SRGAP2: variants seen among roughly 807,000 people sequenced by gnomAD.
SRGAP2 encodes SLIT-ROBO Rho GTPase-activating protein 2.
In SRGAP2, 15 loss-of-function variants were observed where a neutral mutation model predicts 57.2. That is an observed-to-expected ratio of 0.26 (90% CI 0.18 to 0.40). The LOEUF (loss-of-function observed/expected upper bound fraction) is 0.40, where lower values mean the gene tolerates loss of function less well. SRGAP2 is among the 10% of genes least tolerant of loss of function. SRGAP2 has a pLI of 1.00. For synonymous variants in SRGAP2, 249 were observed against 248.0 expected (o/e 1.00, Z -0.04); for missense variants, 520 against 669.6 (o/e 0.78, Z 2.47).
At chr1:206,445,762 C>G (rs1227631273) in intron 17 of SRGAP2, among the ~76,000 whole-genome samples, 1 of 152,062 alleles carries the variant, frequency 6.6e-6, no homozygotes, top group Non-Finnish European at 1.5e-5. Context: ...GTCATGTGGC[C>G]TTTGATAGAT....
chr1:206,275,731 C>T (rs1160198296), intron 2 of SRGAP2, among the ~76,000 whole-genome samples: 17 of 151,172 alleles, frequency 1.1e-4, no homozygotes, highest in African/African-American at 3.9e-4. Context: ...ATTCTCCTGC[C>T]TCAGCCTCCC....
At chr1:206,312,662 A>G (rs1553324596) in intron 3 of SRGAP2, among the ~76,000 whole-genome samples, 2 of 151,954 alleles carry the variant, frequency 1.3e-5, no homozygotes, top group Non-Finnish European at 2.9e-5. Flanking sequence ...ATTTGACCCT[A>G]TGTTATTCTG....
At chr1:206,399,558 G>T (rs1439897804) in intron 7 of SRGAP2, among the ~76,000 whole-genome samples, 2 of 151,948 alleles carry the variant, frequency 1.3e-5, no homozygotes, top group Non-Finnish European at 2.9e-5. Flanking sequence ...TATGAATAGG[G>T]GTAGAGGTAG....
chr1:206,260,339 A>C lies in SRGAP2; in HGVS notation c.68-42942A>C, dbSNP rs559166762. Reference sequence around the variant, plus strand: ...CCAAAGTGGACGAAATGGAGCCTTGAACCAAATAAATAGGTAGTAAAGGTA... The same window carrying C: ...CCAAAGTGGACGAAATGGAGCCTTGCACCAAATAAATAGGTAGTAAAGGTA... On this transcript the variant is annotated intron_variant, in intron 2 of 22. Coordinates refer to ENST00000573034, the MANE Select transcript of SRGAP2 (RefSeq NM_015326.5). 6.0e-5 allele frequency among the ~76,000 whole-genome samples: 9 copies of C among 149,566 alleles called. No individual in the cohort carries two copies. The East Asian group carries it at 1.6e-3, about 26-fold the overall frequency.
intron 4 of SRGAP2, among the ~76,000 whole-genome samples, chr1:206,354,180 C>T (rs1228203333): frequency 6.6e-6 from 1 of 152,040 alleles, no homozygotes; most frequent in Non-Finnish European, 1.5e-5. Context: ...TACATGCCTA[C>T]TAATCTTTTA....
chr1:206,278,222 A>G (rs1393938331), intron 2 of SRGAP2, among the ~76,000 whole-genome samples: 2 of 151,110 alleles, frequency 1.3e-5, no homozygotes, highest in Non-Finnish European at 3.0e-5. Flanking sequence ...GACAAACAAT[A>G]AACATGATGA....
At chr1:206,353,330 CTTTAG>C (rs1553338618) in intron 4 of SRGAP2, among the ~76,000 whole-genome samples, 3 of 152,014 alleles carry the variant, frequency 2.0e-5, no homozygotes, top group Non-Finnish European at 4.4e-5. Context: ...TTTCTGTATG[CTTTAG>C]TTTAGATGAT....
chr1:206,331,773 CTG>C (rs1674375897), intron 3 of SRGAP2, among the ~76,000 whole-genome samples: 1 of 111,454 alleles, frequency 9.0e-6, no homozygotes, highest in Non-Finnish European at 1.7e-5. Context: ...ACTTGCCAGT[CTG>C]TGTCTTTTAA....
intron 19 of SRGAP2, among the ~76,000 whole-genome samples, chr1:206,451,813 C>A (rs1271201619): frequency 6.6e-6 from 1 of 152,140 alleles, no homozygotes; most frequent in Non-Finnish European, 1.5e-5. Flanking sequence ...GAGTAACGTA[C>A]CCGAGGCTGT....
At chr1:206,413,522 A>AAATGATTT (rs1659398207) in intron 10 of SRGAP2, among the ~76,000 whole-genome samples, 1 of 152,252 alleles carries the variant, frequency 6.6e-6, no homozygotes, top group Non-Finnish European at 1.5e-5. Flanking sequence ...ATCATGAATA[A>AAATGATTT]GGCAGTAGAA....
intron 7 of SRGAP2, 142 bp from the exon 8 acceptor site, chr1:206,401,279 T>C (rs1553355351): frequency 2.8e-6 from 2 of 712,688 alleles, no homozygotes; most frequent in South Asian, 1.5e-5. Context: ...CACCCAGACC[T>C]TGGAAGTCGG....
rs782546209 is a variant in SRGAP2, at chr1:206,450,455, G to A, written c.2169G>A (p.Thr723=). 1.7e-5 allele frequency: 13 copies of A among 780,670 alleles called. No individual in the cohort carries two copies. The highest frequency in any genetic ancestry group is 1.2e-4 in the African/African-American group (7 of 59,148). The allele number at this position is 780,670 out of a possible 1,614,324, so 48.4% of individuals were successfully genotyped here. ...STQDVTAEHH[T]SDDECEPIEA... is the part of the protein sequence containing the mutation. ...AGGATGTGACCGCAGAGCACCACAC[G>A]AGCGATGACGGTACGAGGCCCTGCT... Residue 723 remains threonine (T), a synonymous_variant, in exon 19 of 23, where the codon ACG becomes ACA. Coordinates refer to ENST00000573034, the MANE Select transcript of SRGAP2 (RefSeq NM_015326.5).
At chr1:206,276,963 C>G (rs1320891480) in intron 2 of SRGAP2, among the ~76,000 whole-genome samples, 1 of 149,630 alleles carries the variant, frequency 6.7e-6, no homozygotes. Context: ...TCATCTATCA[C>G]TCTTTTTTTT....
At chr1:206,284,476 G>GTC (rs1311396973) in intron 2 of SRGAP2, among the ~76,000 whole-genome samples, 1 of 149,486 alleles carries the variant, frequency 6.7e-6, no homozygotes, top group African/African-American at 2.5e-5. Context: ...TTGAGATGGA[G>GTC]TCTCACTCTG....
chr1:206,250,318 C>T (rs1448529123), intron 2 of SRGAP2, among the ~76,000 whole-genome samples: 2 of 151,026 alleles, frequency 1.3e-5, no homozygotes, highest in Non-Finnish European at 2.9e-5. Flanking sequence ...AATTAGGCTT[C>T]TGACATACGA....
intron 2 of SRGAP2, among the ~76,000 whole-genome samples, chr1:206,249,483 T>A (rs1300316177): frequency 2.0e-5 from 3 of 151,692 alleles, no homozygotes; most frequent in African/African-American, 7.3e-5. Flanking sequence ...CTCAGCAAAC[T>A]AACACAGGAA....
chr1:206,462,618 T>C lies in SRGAP2; in HGVS notation c.*1198T>C, dbSNP rs1201671111. The C allele has an allele frequency of 6.6e-6, 1 of 152,204 alleles. No homozygotes were observed. 9.4% of individuals were successfully genotyped at this position (152,204 alleles called of 1,614,324 possible). A position where few individuals can be genotyped will look rare whatever the true frequency, so the allele number is the denominator to read the frequency against. ...AGGGGCTTAGAGAGCCTTAGTTAGATTAAAGGGAGACCCTACCTCTTAAAA... is the reference window on the plus strand; with the variant it reads ...AGGGGCTTAGAGAGCCTTAGTTAGACTAAAGGGAGACCCTACCTCTTAAAA... On this transcript the variant is annotated 3_prime_UTR_variant, in exon 23 of 23. Coordinates refer to ENST00000573034, the MANE Select transcript of SRGAP2 (RefSeq NM_015326.5).
chr1:206,213,823 G>T (rs1666465164), intron 2 of SRGAP2, among the ~76,000 whole-genome samples: 2 of 151,514 alleles, frequency 1.3e-5, no homozygotes, highest in African/African-American at 4.9e-5. Flanking sequence ...GGAGGCTGAG[G>T]GAGGAGAATC....
chr1:206,415,687 C>G (rs1276435343), intron 10 of SRGAP2, among the ~76,000 whole-genome samples: 2 of 152,192 alleles, frequency 1.3e-5, no homozygotes, highest in African/African-American at 4.8e-5. Flanking sequence ...CAGAAAAAAC[C>G]TGGAGAAGGA....
Sources: gnomAD v4.1 joint callset for allele counts (sites outside exome capture counted in the v4.1 genomes callset) on GRCh38, gnomAD v4.1.1 for gene constraint, MANE v1.5 for transcripts, NCBI Gene and HGNC (gene_info 2026-07-23, HGNC 2026-07-21) for gene names.